FRMD6: variants seen among roughly 807,000 people sequenced by gnomAD.
FRMD6 encodes the protein FERM domain containing 6.
Under a neutral mutation model 73.2 loss-of-function variants are expected in FRMD6, and 37 were observed. That is an observed-to-expected ratio of 0.51 (90% CI 0.39 to 0.66). The LOEUF (loss-of-function observed/expected upper bound fraction) is 0.66. Ranked by LOEUF, FRMD6 falls within the 30% of genes least tolerant of loss-of-function variation. The probability of loss-of-function intolerance (pLI) is 0.00; values close to 1 mark genes in which losing one functional copy is unlikely to be tolerated. For synonymous variants in FRMD6, 273 were observed against 282.2 expected, an observed-to-expected ratio of 0.97 and a Z score of 0.33; for missense variants, 714 against 780.5, an observed-to-expected ratio of 0.91 and a Z score of 1.02.
chr14:51,490,374 T>C (rs1263073453), intron 1 of FRMD6, among the ~76,000 whole-genome samples: 1 of 152,216 alleles, frequency 6.6e-6, no homozygotes, highest in Non-Finnish European at 1.5e-5. Context: ...CTTGTGTTTC[T>C]GCATGTGTAT....
chr14:51,608,659 C>T (rs908049302), intron 2 of FRMD6, among the ~76,000 whole-genome samples: 7 of 152,228 alleles, frequency 4.6e-5, no homozygotes, highest in African/African-American at 1.4e-4. Context: ...CTAGTGTTCC[C>T]CAGGGATATA....
At chr14:51,497,494 C>G (rs534506072) in intron 1 of FRMD6, among the ~76,000 whole-genome samples, 1 of 152,270 alleles carries the variant, frequency 6.6e-6, no homozygotes, top group South Asian at 2.1e-4. Context: ...CTAATGCTCT[C>G]TCCACACTAA....
intron 3 of FRMD6, 115 bp from the exon 4 acceptor site, chr14:51,700,941 A>G (rs1896269960): frequency 4.1e-6 from 2 of 493,104 alleles, no homozygotes; most frequent in Non-Finnish European, 7.2e-6. Flanking sequence ...TAGTATGTGC[A>G]TTCAGACTAC....
chr14:51,532,619 C>T (rs1477450919), intron 1 of FRMD6, among the ~76,000 whole-genome samples: 1 of 152,136 alleles, frequency 6.6e-6, no homozygotes, highest in African/African-American at 2.4e-5. Context: ...CAAAACATGA[C>T]TTAAATTAGT....
chr14:51,503,720 G>T (rs1053799211), intron 1 of FRMD6, among the ~76,000 whole-genome samples: 1 of 151,484 alleles, frequency 6.6e-6, no homozygotes, highest in African/African-American at 2.4e-5. Context: ...TTATTATCAG[G>T]ATGATGCTGG....
At chr14:51,674,679 A>G (rs1894258566) in intron 1 of FRMD6, among the ~76,000 whole-genome samples, 1 of 152,096 alleles carries the variant, frequency 6.6e-6, no homozygotes, top group South Asian at 2.1e-4. Flanking sequence ...CTATTTGTGT[A>G]GGGTAAGGTG....
At chr14:51,659,298 T>C (rs775101954) in intron 1 of FRMD6, among the ~76,000 whole-genome samples, 15 of 152,242 alleles carry the variant, frequency 9.9e-5, no homozygotes, top group Non-Finnish European at 2.2e-4. Context: ...AATGGCATGG[T>C]CTTTGATATA....
At chr14:51,625,620 C>CT (rs954677909) in intron 2 of FRMD6, among the ~76,000 whole-genome samples, 11 of 152,188 alleles carry the variant, frequency 7.2e-5, no homozygotes, top group Admixed American at 5.9e-4. Context: ...GCCTTCAAAT[C>CT]TTTCTGCTCC....
intron 1 of FRMD6, among the ~76,000 whole-genome samples, chr14:51,506,412 A>G (rs1883967013): frequency 6.6e-6 from 1 of 152,246 alleles, no homozygotes; most frequent in Admixed American, 6.5e-5. Flanking sequence ...ATACTGGCGA[A>G]AAGAGGCTCC....
At chr14:51,689,586 G>C (rs1021092454) in intron 1 of FRMD6, 105 bp from the exon 2 acceptor site, 2 of 464,614 alleles carry the variant, frequency 4.3e-6, no homozygotes, top group South Asian at 3.8e-5. Context: ...GAGATATGCT[G>C]TCCCTGTGCC....
chr14:51,644,963 T>G (rs899784867), intron 2 of FRMD6, among the ~76,000 whole-genome samples: 4 of 152,224 alleles, frequency 2.6e-5, no homozygotes, highest in African/African-American at 7.2e-5. Flanking sequence ...AACATCTGAA[T>G]CTGGGGTCCT....
At chr14:51,409,706 C>A in the FRMD6 span, among the ~76,000 whole-genome samples, 1 of 152,110 alleles carries the variant, frequency 6.6e-6, no homozygotes, top group South Asian at 2.1e-4. Flanking sequence ...TCAATTGATC[C>A]TCCCACTTCA....
intron 1 of FRMD6, among the ~76,000 whole-genome samples, chr14:51,667,044 G>A (rs575404478): frequency 1.3e-5 from 2 of 152,204 alleles, no homozygotes; most frequent in Admixed American, 1.3e-4. Context: ...TGAGGCGGGA[G>A]GATTGCTTGA....
chr14:51,686,183 G>T (rs938661717), intron 1 of FRMD6, among the ~76,000 whole-genome samples: 5 of 152,038 alleles, frequency 3.3e-5, no homozygotes, highest in Non-Finnish European at 7.4e-5. Context: ...ACTTACCTTA[G>T]TTTTAGATTC....
intron 1 of FRMD6, among the ~76,000 whole-genome samples, chr14:51,680,115 G>T (rs921965331): frequency 1.3e-5 from 2 of 152,150 alleles, no homozygotes; most frequent in Admixed American, 1.3e-4. Flanking sequence ...GAATCTTGTT[G>T]GAAGCCTCTC....
chr14:51,543,334 A>G (rs542650085), intron 1 of FRMD6, among the ~76,000 whole-genome samples: 17 of 152,098 alleles, frequency 1.1e-4, no homozygotes, highest in African/African-American at 3.4e-4. Flanking sequence ...GATACTTTTT[A>G]TTAGCATAAG....
At chr14:51,639,993 T>C (rs1891745639) in intron 2 of FRMD6, among the ~76,000 whole-genome samples, 1 of 152,216 alleles carries the variant, frequency 6.6e-6, no homozygotes, top group East Asian at 1.9e-4. Context: ...ATTAGGTTGA[T>C]GTAGAAGCTT....
intron 2 of FRMD6, among the ~76,000 whole-genome samples, chr14:51,617,987 G>C (rs1256764786): frequency 1.3e-5 from 2 of 152,086 alleles, no homozygotes; most frequent in African/African-American, 4.8e-5. Context: ...CCTGCACGGA[G>C]CCAGAACATA....
the FRMD6 span, among the ~76,000 whole-genome samples, chr14:51,429,517 T>A: frequency 6.6e-6 from 1 of 152,214 alleles, no homozygotes; most frequent in Non-Finnish European, 1.5e-5. Context: ...CATTGAACTT[T>A]GTCGAGCACA....
Sources: gnomAD v4.1 joint callset for allele counts (sites outside exome capture counted in the v4.1 genomes callset) on GRCh38, gnomAD v4.1.1 for gene constraint, MANE v1.5 for transcripts, NCBI Gene and HGNC (gene_info 2026-07-23, HGNC 2026-07-21) for gene names.